CISD1: variants seen among roughly 807,000 people sequenced by gnomAD.
The protein encoded by CISD1 is CDGSH iron sulfur domain 1, also known as CDGSH iron-sulfur domain-containing protein 1.
CISD1 carries 8 observed loss-of-function variants against 12.0 expected under a neutral mutation model. The ratio of observed to expected loss-of-function variants is 0.67; its 90% CI spans 0.39 to 1.20. The LOEUF is 1.20. Ranked by LOEUF, CISD1 falls within the 50% of genes most tolerant of loss-of-function variation. CISD1 has a pLI of 0.01. For missense variants in CISD1, 107 were observed against 132.7 expected, an observed-to-expected ratio of 0.81 and a Z score of 0.95; for synonymous variants, 38 against 42.2, an observed-to-expected ratio of 0.90 and a Z score of 0.39.
chr10:58,281,482 A>G (rs1384305888), intron 2 of CISD1, among the ~76,000 whole-genome samples: 2 of 152,186 alleles, frequency 1.3e-5, no homozygotes, highest in African/African-American at 4.8e-5. Context: ...TAATCAATTA[A>G]CAGTTTGCTT....
chr10:58,276,333 TA>T (rs1393260555), intron 1 of CISD1: 5 of 151,984 alleles, frequency 3.3e-5, no homozygotes, highest in Non-Finnish European at 7.4e-5. Context: ...AAATTTAAAA[TA>T]AATTTTATAG....
Position 58,287,485 on chromosome 10 carries a change from G to A in CISD1, c.238-76G>A, listed in dbSNP as rs928677524. ...AAAATCTTTATGTTATATGAATTAA[G>A]CATCACCTTCCACTCTGCCGAGCAT... On this transcript the variant is annotated intron_variant, in intron 2 of 2. Transcript: ENST00000333926. The A allele has an allele frequency of 5.2e-5, 51 of 978,230 alleles. No individual in the cohort carries two copies. The African/African-American group carries it at 7.4e-4, about 14-fold the overall frequency. 60.6% of individuals were successfully genotyped at this position (978,230 alleles called of 1,614,324 possible).
chr10:58,285,382 C>G (rs1427194041), intron 2 of CISD1, among the ~76,000 whole-genome samples: 1 of 152,170 alleles, frequency 6.6e-6, no homozygotes, highest in Non-Finnish European at 1.5e-5. Flanking sequence ...TGAAGTTTCA[C>G]TGATCTGTTA....
At position 58,277,382 on chromosome 10, in the gene CISD1, A is replaced by T. The variant is rs1040588274; in HGVS notation, c.237+60A>T. On this transcript the variant is annotated intron_variant, in intron 2 of 2. Transcript: ENST00000333926. ...TTAATGTTATATTTCTTTTTAAATT[A>T]TTCTGTCAGACTTGTTCACCAGATA... 1.2e-5 allele frequency: 14 copies of T among 1,172,014 alleles called. No homozygotes were observed. The Admixed American group carries it at 1.4e-4, about 11-fold the overall frequency. The allele number at this position is 1,172,014 out of a possible 1,614,324, so 72.6% of individuals were successfully genotyped here.
intron 1 of CISD1, among the ~76,000 whole-genome samples, chr10:58,271,000 G>A (rs1371457819): frequency 6.7e-6 from 1 of 150,370 alleles, no homozygotes; most frequent in African/African-American, 2.5e-5. Flanking sequence ...GCTTCCCAAA[G>A]TGCTGAGATT....
At chr10:58,283,612 T>C (rs994601183) in intron 2 of CISD1, among the ~76,000 whole-genome samples, 4 of 152,202 alleles carry the variant, frequency 2.6e-5, no homozygotes, top group African/African-American at 9.7e-5. Context: ...GGAGCATTTA[T>C]TAAAACAGAG....
intron 1 of CISD1, among the ~76,000 whole-genome samples, chr10:58,271,462 G>A (rs1839248649): frequency 6.6e-6 from 1 of 152,180 alleles, no homozygotes; most frequent in Non-Finnish European, 1.5e-5. Flanking sequence ...AGGTAGGCAA[G>A]GTAGGGAAAG....
chr10:58,269,523 G>A (rs2297887), intron 1 of CISD1, among the ~76,000 whole-genome samples: 20,177 of 152,242 alleles, frequency 0.13, 1,341 homozygotes, highest in Middle Eastern at 0.18. Flanking sequence ...TGCCGGACCA[G>A]AGTCCACGTT....
At chr10:58,281,941 T>C (rs1839377864) in intron 2 of CISD1, among the ~76,000 whole-genome samples, 1 of 152,064 alleles carries the variant, frequency 6.6e-6, no homozygotes, top group Non-Finnish European at 1.5e-5. Flanking sequence ...TCATCTGATG[T>C]TTCAGAAATT....
intron 2 of CISD1, among the ~76,000 whole-genome samples, chr10:58,279,231 G>A (rs1839348827): frequency 1.3e-5 from 2 of 151,960 alleles, no homozygotes; most frequent in Admixed American, 6.6e-5. Context: ...CATGTATAAG[G>A]TATATATAAA....
chr10:58,285,326 A>C (rs1564547749), intron 2 of CISD1, among the ~76,000 whole-genome samples: 1 of 152,198 alleles, frequency 6.6e-6, no homozygotes, highest in Non-Finnish European at 1.5e-5. Context: ...CTTTAACATT[A>C]AGTAGCCTTT....
At chr10:58,276,176 C>T (rs1839313483) in intron 1 of CISD1, 1 of 152,140 alleles carries the variant, frequency 6.6e-6, no homozygotes, top group Non-Finnish European at 1.5e-5. Context: ...CCAGATTATG[C>T]AGAACTTTCT....
intron 1 of CISD1, among the ~76,000 whole-genome samples, chr10:58,271,934 C>T (rs2132276229): frequency 1.3e-5 from 2 of 152,262 alleles, no homozygotes; most frequent in South Asian, 4.2e-4. Flanking sequence ...GCCTTCACTG[C>T]CTACTCGTCC....
At chr10:58,279,199 G>A (rs1410820882) in intron 2 of CISD1, among the ~76,000 whole-genome samples, 2 of 151,974 alleles carry the variant, frequency 1.3e-5, no homozygotes, top group Non-Finnish European at 2.9e-5. Flanking sequence ...GTAAAATATT[G>A]TATAAAATTA....
At chr10:58,271,940 C>T (rs1326535645) in intron 1 of CISD1, among the ~76,000 whole-genome samples, 5 of 152,122 alleles carry the variant, frequency 3.3e-5, no homozygotes, top group Non-Finnish European at 4.4e-5. Context: ...ACTGCCTACT[C>T]GTCCAGTCTC....
chr10:58,269,194 T>C lies in CISD1; in HGVS notation c.-80T>C. 8 of 1,468,958 alleles carry C rather than the reference T, an allele frequency of 5.4e-6. No homozygotes were observed. The highest frequency in any genetic ancestry group is 7.5e-6 in the Non-Finnish European group (8 of 1,061,482). 91.0% of individuals were successfully genotyped at this position (1,468,958 alleles called of 1,614,324 possible). A position where few individuals can be genotyped will look rare whatever the true frequency, so the allele number is the denominator to read the frequency against. ...CGGAGTCGGTGCTTTAGTACGCCGC[T>C]GGCACCTTTACTCTCGCCGGCCGCG... On this transcript the variant is annotated 5_prime_UTR_variant, in exon 1 of 3. Transcript: ENST00000333926.
intron 1 of CISD1, chr10:58,273,282 T>A (rs1197669512): frequency 6.6e-6 from 1 of 152,046 alleles, no homozygotes; most frequent in Non-Finnish European, 1.5e-5. Context: ...CAACCAACAT[T>A]ATTGAATATC....
intron 2 of CISD1, among the ~76,000 whole-genome samples, chr10:58,283,650 A>G (rs1375046931): frequency 3.3e-5 from 5 of 152,254 alleles, no homozygotes; most frequent in African/African-American, 1.2e-4. Flanking sequence ...GGGCCATTAA[A>G]AAGAAATGTT....
intron 2 of CISD1, among the ~76,000 whole-genome samples, chr10:58,285,541 A>G (rs557124051): frequency 3.2e-4 from 48 of 152,236 alleles, no homozygotes; most frequent in African/African-American, 9.9e-4. Context: ...GATACATTCA[A>G]AACACCAAGA....
Sources: allele counts gnomAD v4.1 joint callset (sites outside exome capture counted in the v4.1 genomes callset), GRCh38; gene constraint gnomAD v4.1.1; transcripts MANE v1.5; gene names NCBI Gene and HGNC (gene_info 2026-07-23, HGNC 2026-07-21).